Variants in AFG2A observed in about 807,000 individuals in gnomAD.
The protein encoded by AFG2A is AAA ATPase AFG2A.
the AFG2A span, chr4:123,028,513 T>A: frequency 1.3e-6 from 1 of 769,862 alleles, no homozygotes; most frequent in Non-Finnish European, 2.1e-6. Context: ...ATTCTTTTTT[T>A]TTTATTTGAT....
At chr4:123,305,197 G>A in the AFG2A span, among the ~76,000 whole-genome samples, 3 of 152,154 alleles carry the variant, frequency 2.0e-5, no homozygotes, top group Non-Finnish European at 4.4e-5. Flanking sequence ...AGTTGTTTAA[G>A]TCACCTTCGG....
At chr4:123,045,817 C>T in the AFG2A span, among the ~76,000 whole-genome samples, 2 of 151,996 alleles carry the variant, frequency 1.3e-5, no homozygotes, top group Non-Finnish European at 2.9e-5. Flanking sequence ...CTGTTTTGGC[C>T]GGGCGAGGTG....
At chr4:123,209,983 C>T in the AFG2A span, among the ~76,000 whole-genome samples, 1 of 152,070 alleles carries the variant, frequency 6.6e-6, no homozygotes, top group Non-Finnish European at 1.5e-5. Flanking sequence ...TCCTGCAGTC[C>T]CTAGACTTTG....
the AFG2A span, among the ~76,000 whole-genome samples, chr4:123,034,676 A>G: frequency 0.013 from 1,979 of 152,208 alleles, 17 homozygotes; most frequent in Non-Finnish European, 0.02. Flanking sequence ...TGTAACAAAT[A>G]TACCATGCTA....
the AFG2A span, among the ~76,000 whole-genome samples, chr4:122,992,846 TAC>T: frequency 6.6e-6 from 1 of 152,246 alleles, no homozygotes; most frequent in Non-Finnish European, 1.5e-5. Context: ...GCGTTTTCTT[TAC>T]AGCATGAATC....
At chr4:123,046,148 G>A in the AFG2A span, among the ~76,000 whole-genome samples, 1 of 151,762 alleles carries the variant, frequency 6.6e-6, no homozygotes, top group Non-Finnish European at 1.5e-5. Flanking sequence ...TTTCTTAAGA[G>A]ATTTTTAAAT....
chr4:122,938,317 CTA>C, the AFG2A span: 1 of 1,349,476 alleles, frequency 7.4e-7, no homozygotes, highest in Non-Finnish European at 9.6e-7. Flanking sequence ...GTGGTAAAAA[CTA>C]TTGAATGTGT....
the AFG2A span, among the ~76,000 whole-genome samples, chr4:123,046,944 A>C: frequency 2.1e-3 from 317 of 152,274 alleles, no homozygotes; most frequent in Non-Finnish European, 3.6e-3. Flanking sequence ...CTCTCATTTT[A>C]TCTGCGTTGC....
the AFG2A span, among the ~76,000 whole-genome samples, chr4:123,086,388 C>A: frequency 3.3e-5 from 5 of 152,158 alleles, no homozygotes; most frequent in Non-Finnish European, 5.9e-5. Context: ...GAGAAGTTAA[C>A]GTAATTCTTG....
the AFG2A span, among the ~76,000 whole-genome samples, chr4:123,023,945 GC>G: frequency 2.0e-5 from 3 of 150,594 alleles, no homozygotes; most frequent in Non-Finnish European, 3.0e-5. Flanking sequence ...AGGGGTTCCT[GC>G]CCCCCACCGA....
At chr4:123,268,275 T>C in the AFG2A span, among the ~76,000 whole-genome samples, 1 of 152,232 alleles carries the variant, frequency 6.6e-6, no homozygotes, top group Non-Finnish European at 1.5e-5. Flanking sequence ...GGCTCAATTG[T>C]TCCTTAATTG....
the AFG2A span, among the ~76,000 whole-genome samples, chr4:123,010,474 G>C: frequency 6.6e-6 from 1 of 151,978 alleles, no homozygotes; most frequent in African/African-American, 2.4e-5. Flanking sequence ...TATTCTTAGA[G>C]CCAGGCCAAG....
At chr4:123,046,340 C>T in the AFG2A span, among the ~76,000 whole-genome samples, 1 of 152,172 alleles carries the variant, frequency 6.6e-6, no homozygotes, top group Non-Finnish European at 1.5e-5. Context: ...TAACTCTGTG[C>T]AGCTTTGACA....
At chr4:122,979,246 C>A in the AFG2A span, 1 of 1,613,958 alleles carries the variant, frequency 6.2e-7, no homozygotes, top group South Asian at 1.1e-5. Flanking sequence ...CTGTGCCTTG[C>A]GGAGAATCCT....
At chr4:123,056,584 A>C in the AFG2A span, 1 of 499,004 alleles carries the variant, frequency 2.0e-6, no homozygotes. Context: ...GGTAAATATT[A>C]TTTTATTATT....
chr4:122,949,329 A>G, the AFG2A span, among the ~76,000 whole-genome samples: 2 of 152,150 alleles, frequency 1.3e-5, no homozygotes, highest in Non-Finnish European at 2.9e-5. Context: ...CCAGGCGGAA[A>G]ATATGCCATC....
chr4:123,015,580 A>G, the AFG2A span, among the ~76,000 whole-genome samples: 22 of 150,416 alleles, frequency 1.5e-4, no homozygotes, highest in Admixed American at 1.5e-3. Context: ...TCCCGTGTCT[A>G]CCTCTTTCTA....
the AFG2A span, among the ~76,000 whole-genome samples, chr4:123,167,891 T>A: frequency 6.6e-6 from 1 of 152,178 alleles, no homozygotes; most frequent in African/African-American, 2.4e-5. Context: ...TGTTAGGTCA[T>A]CATCAAAACA....
chr4:123,004,740 A>AT, the AFG2A span, among the ~76,000 whole-genome samples: 1 of 152,296 alleles, frequency 6.6e-6, no homozygotes, highest in South Asian at 2.1e-4. Context: ...GCACGGTGAA[A>AT]TGAGTTGGGA....
Sources: gnomAD v4.1 joint callset for allele counts (sites outside exome capture counted in the v4.1 genomes callset) on GRCh38, gnomAD v4.1.1 for gene constraint, MANE v1.5 for transcripts, NCBI Gene and HGNC (gene_info 2026-07-23, HGNC 2026-07-21) for gene names.